KANK1: variants seen among roughly 807,000 people sequenced by gnomAD.
KANK1 encodes KN motif and ankyrin repeat domain-containing protein 1.
A neutral mutation model predicts 106.2 loss-of-function variants in KANK1; 109 were observed. The observed-to-expected ratio is 1.03, with a 90% confidence interval of 0.88 to 1.20. The LOEUF (loss-of-function observed/expected upper bound fraction) is 1.20, where lower values mean the gene tolerates loss of function less well. KANK1 is among the 50% of genes most tolerant of loss of function. The pLI is 0.00. For synonymous variants in KANK1, 873 were observed against 652.2 expected, an observed-to-expected ratio of 1.34 and a Z score of -5.16; for missense variants, 2,399 against 1,710.7, an observed-to-expected ratio of 1.40 and a Z score of -7.10.
chr9:544,558 G>A (rs1468816560), intron 1 of KANK1, among the ~76,000 whole-genome samples: 1 of 152,218 alleles, frequency 6.6e-6, no homozygotes, highest in African/African-American at 2.4e-5. Flanking sequence ...GCTGATGGAT[G>A]ATGCAAAGTG....
At chr9:697,141 C>G (rs191506170) in intron 2 of KANK1, among the ~76,000 whole-genome samples, 1 of 151,754 alleles carries the variant, frequency 6.6e-6, no homozygotes, top group African/African-American at 2.4e-5. Flanking sequence ...GTCTTTTTGG[C>G]CTCCTTCCAT....
At chr9:647,636 T>A (rs1839969260) in intron 1 of KANK1, among the ~76,000 whole-genome samples, 1 of 150,730 alleles carries the variant, frequency 6.6e-6, no homozygotes, top group Admixed American at 6.6e-5. Flanking sequence ...ATCCATAGTG[T>A]CAAATGAGGG....
intron 1 of KANK1, among the ~76,000 whole-genome samples, chr9:608,665 C>T (rs1292873533): frequency 1.3e-5 from 2 of 149,106 alleles, no homozygotes; most frequent in African/African-American, 5.2e-5. Flanking sequence ...TGTCTTTCAT[C>T]AAGTCAGGGA....
intron 1 of KANK1, among the ~76,000 whole-genome samples, chr9:555,710 C>G (rs1325833121): frequency 1.3e-5 from 2 of 152,108 alleles, no homozygotes; most frequent in African/African-American, 4.8e-5. Flanking sequence ...TTTGATGTGT[C>G]CAGACTTGTA....
In KANK1 at chr9:742,360, G is replaced by A; in HGVS notation, c.3852G>A (p.Lys1284=). 2.5e-6 allele frequency: 4 copies of A among 1,613,836 alleles called. No individual in the cohort carries two copies. The highest frequency in any genetic ancestry group is 2.2e-5 in the South Asian group (2 of 91,066). The part of the protein sequence containing the change: ...ASEHGHVEIV[K]LLLAQPGCNG... ...AGCACGGACACGTGGAGATTGTCAA[G>A]CTGCTGCTGGCCCAGCCCGGCTGCA... Residue 1284 remains lysine, a synonymous_variant, in exon 10 of 12, where the codon AAG becomes AAA. Transcript: ENST00000382297.
At chr9:520,116 T>C (rs944412144) in intron 1 of KANK1, among the ~76,000 whole-genome samples, 1 of 151,654 alleles carries the variant, frequency 6.6e-6, no homozygotes, top group Admixed American at 6.6e-5. Flanking sequence ...GGTGGATAGA[T>C]CGCTTGAGCC....
chr9:691,616 T>TTTCTTTC (rs919729574), intron 2 of KANK1, among the ~76,000 whole-genome samples: 1 of 138,594 alleles, frequency 7.2e-6, no homozygotes, highest in Non-Finnish European at 1.6e-5. Context: ...CCAGAATTTT[T>TTTCTTTC]TTTTTTTTTT....
intron 1 of KANK1, among the ~76,000 whole-genome samples, chr9:605,227 G>T (rs918442181): frequency 6.6e-6 from 1 of 150,700 alleles, no homozygotes; most frequent in African/African-American, 2.5e-5. Context: ...CTTGAACGTG[G>T]GAGGCAGAGG....
rs1425529304 is a variant in KANK1, at chr9:712,838, T to C, written c.2072T>C (p.Leu691Pro). ...HQFTNTETAT[L>P]IESCTNTCLS... ...TTCACCAACACCGAGACGGCCACCC[T>C]CATAGAGTCCTGCACCAACACTTGT... The change falls in exon 3 of 12, where the codon CTC (leucine) becomes CCC (proline). Residue 691 changes from leucine (L) to proline (P), a missense_variant. Physicochemically the swap from Leu to Pro is moderately conservative, Grantham distance 98. Transcript: ENST00000382297. 2 of 1,613,484 alleles carry C rather than the reference T, an allele frequency of 1.2e-6. No homozygotes were observed. The highest frequency in any genetic ancestry group is 1.7e-5 in the Admixed American group (1 of 59,930).
Position 494,631 on chromosome 9 carries a change from T to G in KANK1, c.-362+21358T>G, listed in dbSNP as rs73369008. On this transcript the variant is annotated intron_variant, in intron 3 of 15. Coordinates refer to the KANK1 transcript ENST00000382303. ...CCAGCTGCCATGTCATGGGCAGCAC[T>G]ATGGAGCAATACACGTGACAAGCCT... 6.2e-4 allele frequency among the ~76,000 whole-genome samples: 94 copies of G among 152,316 alleles called. No homozygotes were observed. The East Asian group carries it at 0.017, about 27-fold the overall frequency.
At chr9:705,606 G>A (rs1388193176) in intron 2 of KANK1, among the ~76,000 whole-genome samples, 5 of 151,500 alleles carry the variant, frequency 3.3e-5, no homozygotes, top group African/African-American at 9.7e-5. Context: ...TTTTGGGGGG[G>A]TGGGGGCGGA....
At chr9:482,913 C>G (rs1053935200) in intron 3 of KANK1, among the ~76,000 whole-genome samples, 1 of 152,206 alleles carries the variant, frequency 6.6e-6, no homozygotes, top group South Asian at 2.1e-4. Context: ...CCATCCTGCT[C>G]TGCCTGCCGG....
At chr9:580,251 C>T (rs1821710030) in intron 1 of KANK1, among the ~76,000 whole-genome samples, 1 of 152,072 alleles carries the variant, frequency 6.6e-6, no homozygotes. Flanking sequence ...GGTTCGTGGT[C>T]TCGCTGGCCT....
At chr9:682,871 T>C (rs1817846742) in intron 2 of KANK1, among the ~76,000 whole-genome samples, 1 of 152,226 alleles carries the variant, frequency 6.6e-6, no homozygotes, top group Non-Finnish European at 1.5e-5. Context: ...GCCAGGCTCA[T>C]GGCAGGGTAG....
chr9:707,440 C>G (rs1415008091), intron 2 of KANK1, among the ~76,000 whole-genome samples: 1 of 152,248 alleles, frequency 6.6e-6, no homozygotes, highest in Non-Finnish European at 1.5e-5. Context: ...GCCTGACAGC[C>G]AAGCTGCAGC....
In KANK1 at chr9:572,831, A is replaced by G. The variant is rs112414240; in HGVS notation, c.-84+68077A>G. 1.2e-3 allele frequency among the ~76,000 whole-genome samples: 183 copies of G among 152,294 alleles called. 4 individuals carry two copies. Among genetic ancestry groups the G allele is most frequent in the African/African-American group, 4.0e-3 (168 of 41,572 alleles). On this transcript the variant is annotated intron_variant, in intron 1 of 11. Transcript: ENST00000382297. ...GGCATAACGGTCTTCCCACATTTCCATCTTTATATTAAAAATTTCTGAAAT... is the reference window on the plus strand; with the variant it reads ...GGCATAACGGTCTTCCCACATTTCCGTCTTTATATTAAAAATTTCTGAAAT...
intron 1 of KANK1, among the ~76,000 whole-genome samples, chr9:619,865 A>C (rs934786140): frequency 1.3e-5 from 2 of 152,066 alleles, no homozygotes; most frequent in African/African-American, 4.8e-5. Flanking sequence ...GGCTGGGTGC[A>C]GTGACTCACG....
chr9:714,665 C>T (rs916938792), intron 3 of KANK1, among the ~76,000 whole-genome samples: 2 of 152,104 alleles, frequency 1.3e-5, no homozygotes, highest in South Asian at 2.1e-4. Context: ...GCCCGATAGG[C>T]GCTTACATTT....
At chr9:552,795 C>A (rs2061358095) in intron 1 of KANK1, among the ~76,000 whole-genome samples, 1 of 152,176 alleles carries the variant, frequency 6.6e-6, no homozygotes, top group Non-Finnish European at 1.5e-5. Context: ...ATTGCATACA[C>A]TGCTTTTATT....
Sources: gnomAD v4.1 joint callset for allele counts (sites outside exome capture counted in the v4.1 genomes callset) on GRCh38, gnomAD v4.1.1 for gene constraint, MANE v1.5 for transcripts, NCBI Gene and HGNC (gene_info 2026-07-23, HGNC 2026-07-21) for gene names.